B3GALT1: variants seen among roughly 807,000 people sequenced by gnomAD.
B3GALT1 encodes UDP-Gal:betaGlcNAc beta 1,3-galactosyltransferase, polypeptide 1.
Under a neutral mutation model 23.2 loss-of-function variants are expected in B3GALT1, and 10 were observed. The ratio of observed to expected loss-of-function variants is 0.43; its 90% confidence interval spans 0.27 to 0.73. The LOEUF (loss-of-function observed/expected upper bound fraction) is 0.73. Among genes scored for constraint, B3GALT1 ranks in the 30% least tolerant of loss-of-function variants. The pLI, the probability that B3GALT1 is intolerant of heterozygous loss-of-function variation, is 0.21. For missense variants in B3GALT1, 299 were observed against 405.4 expected, an observed-to-expected ratio of 0.74 and a Z score of 2.25; for synonymous variants, 156 against 141.5, an observed-to-expected ratio of 1.10 and a Z score of -0.73.
At chr2:167,812,844 A>G (rs1178080804) in intron 3 of B3GALT1, among the ~76,000 whole-genome samples, 1 of 152,070 alleles carries the variant, frequency 6.6e-6, no homozygotes, top group Non-Finnish European at 1.5e-5. Flanking sequence ...CAGAAACAGT[A>G]ACTGGGTTTA....
chr2:167,643,799 G>A lies in B3GALT1; in HGVS notation c.-409-3110G>A, dbSNP rs73015451. Among the ~76,000 whole-genome samples the A allele has an allele frequency of 6.4e-3, 968 of 152,242 alleles. 15 individuals are homozygous for A. Among genetic ancestry groups the A allele is most frequent in the African/African-American group, 0.022 (895 of 41,530 alleles). On this transcript the variant is annotated intron_variant, in intron 2 of 4. Transcript: ENST00000392690. Reference sequence around the variant, plus strand: ...GGCAGTATGATTTATATAGGTTGGCGAACCTCAGACACCATAGGCAGACTG... The same window carrying A: ...GGCAGTATGATTTATATAGGTTGGCAAACCTCAGACACCATAGGCAGACTG...
intron 2 of B3GALT1, among the ~76,000 whole-genome samples, chr2:167,524,445 C>T (rs1038639984): frequency 3.9e-5 from 6 of 152,240 alleles, no homozygotes; most frequent in Non-Finnish European, 8.8e-5. Flanking sequence ...CTATAAACTG[C>T]TAAACTCAGT....
chr2:167,573,756 A>T (rs982859129), intron 2 of B3GALT1, among the ~76,000 whole-genome samples: 3 of 151,708 alleles, frequency 2.0e-5, no homozygotes, highest in Admixed American at 2.0e-4. Flanking sequence ...CTACATAAAT[A>T]ACCTATTCCA....
intron 1 of B3GALT1, among the ~76,000 whole-genome samples, chr2:167,441,590 C>T (rs565926805): frequency 5.8e-4 from 89 of 152,294 alleles, no homozygotes; most frequent in Admixed American, 1.2e-3. Flanking sequence ...GATTTGATAG[C>T]ACTCTTCCTT....
chr2:167,838,378 A>C (rs1283104364), intron 4 of B3GALT1, among the ~76,000 whole-genome samples: 9 of 152,290 alleles, frequency 5.9e-5, no homozygotes, highest in Non-Finnish European at 1.2e-4. Context: ...ACAAACTACC[A>C]TCAGAGAATA....
chr2:167,491,483 C>CAT (rs531948133), intron 2 of B3GALT1, among the ~76,000 whole-genome samples: 1 of 122,024 alleles, frequency 8.2e-6, no homozygotes, highest in Admixed American at 8.3e-5. Context: ...TTTACTTTTG[C>CAT]TTTTTTTTTT....
intron 1 of B3GALT1, among the ~76,000 whole-genome samples, chr2:167,424,455 A>G (rs1698593272): frequency 6.6e-6 from 1 of 152,216 alleles, no homozygotes; most frequent in Non-Finnish European, 1.5e-5. Flanking sequence ...GCCACCTGCT[A>G]AAATGCCAGA....
chr2:167,338,547 A>T (rs1697096797), intron 1 of B3GALT1, among the ~76,000 whole-genome samples: 1 of 152,114 alleles, frequency 6.6e-6, no homozygotes, highest in Non-Finnish European at 1.5e-5. Context: ...GGCATTACAA[A>T]TCAGTGATTG....
intron 1 of B3GALT1, among the ~76,000 whole-genome samples, chr2:167,398,020 A>G (rs1698123746): frequency 6.6e-6 from 1 of 152,156 alleles, no homozygotes; most frequent in Non-Finnish European, 1.5e-5. Flanking sequence ...AGTGTTGTGG[A>G]GCAATTAATC....
chr2:167,460,846 T>G (rs1699249088), intron 1 of B3GALT1, among the ~76,000 whole-genome samples: 1 of 152,228 alleles, frequency 6.6e-6, no homozygotes, highest in Admixed American at 6.5e-5. Flanking sequence ...AGTGTAAACT[T>G]AAGATCTTCT....
At chr2:167,732,973 T>G (rs1687431301) in intron 3 of B3GALT1, among the ~76,000 whole-genome samples, 2 of 152,208 alleles carry the variant, frequency 1.3e-5, no homozygotes, top group Non-Finnish European at 2.9e-5. Flanking sequence ...CAGATACTGT[T>G]TTTATTTCCA....
intron 1 of B3GALT1, among the ~76,000 whole-genome samples, chr2:167,420,402 A>G (rs1698528435): frequency 1.3e-5 from 2 of 152,242 alleles, no homozygotes; most frequent in Non-Finnish European, 2.9e-5. Context: ...TAGATGAACT[A>G]AAAATAACCT....
At chr2:167,803,296 G>A (rs1362922572) in intron 3 of B3GALT1, among the ~76,000 whole-genome samples, 1 of 152,166 alleles carries the variant, frequency 6.6e-6, no homozygotes, top group Non-Finnish European at 1.5e-5. Flanking sequence ...AGAACAAATA[G>A]ACTTCCTATT....
At chr2:167,662,907 T>C (rs1011061703) in intron 3 of B3GALT1, among the ~76,000 whole-genome samples, 6 of 152,056 alleles carry the variant, frequency 3.9e-5, no homozygotes, top group African/African-American at 1.4e-4. Context: ...CTGCCTTGTC[T>C]TCTCCAAGTC....
At chr2:167,683,930 TTCTC>T (rs1424277383) in intron 3 of B3GALT1, among the ~76,000 whole-genome samples, 1 of 152,194 alleles carries the variant, frequency 6.6e-6, no homozygotes, top group African/African-American at 2.4e-5. Context: ...ATCCATGTTC[TTCTC>T]TCTATCTGGA....
At chr2:167,691,931 C>G (rs1013638919) in intron 3 of B3GALT1, among the ~76,000 whole-genome samples, 1 of 152,068 alleles carries the variant, frequency 6.6e-6, no homozygotes, top group Non-Finnish European at 1.5e-5. Context: ...CTTGTAAGTA[C>G]CTAATGTGCA....
intron 4 of B3GALT1, among the ~76,000 whole-genome samples, chr2:167,866,183 A>C (rs1426596729): frequency 6.6e-6 from 1 of 152,068 alleles, no homozygotes; most frequent in Non-Finnish European, 1.5e-5. Flanking sequence ...GGACTCCCTC[A>C]TTGTTTGACT....
chr2:167,713,731 C>A, intron 3 of B3GALT1: 1 of 1,563,952 alleles, frequency 6.4e-7, no homozygotes, highest in Non-Finnish European at 8.8e-7. Flanking sequence ...AGGGAACTTG[C>A]TTCTACCTTC....
intron 3 of B3GALT1, among the ~76,000 whole-genome samples, chr2:167,723,471 T>C (rs1687263670): frequency 6.6e-6 from 1 of 152,224 alleles, no homozygotes. Context: ...AAGATTTAAT[T>C]CATTTAAATA....
Sources: gnomAD v4.1 joint callset for allele counts (sites outside exome capture counted in the v4.1 genomes callset) on GRCh38, gnomAD v4.1.1 for gene constraint, MANE v1.5 for transcripts, NCBI Gene and HGNC (gene_info 2026-07-23, HGNC 2026-07-21) for gene names.